The following VWDE variants were observed in gnomAD, a reference collection of about 807,000 sequenced individuals.
VWDE encodes the protein von Willebrand factor D and EGF domain-containing protein.
A neutral mutation model predicts 178.4 loss-of-function variants in VWDE; 207 were observed. The observed-to-expected ratio is 1.16, with a 90% confidence interval of 1.04 to 1.30. The LOEUF is 1.30. VWDE is among the 50% of genes most tolerant of loss of function. The pLI is 0.00. For synonymous variants in VWDE, 738 were observed against 651.4 expected, an observed-to-expected ratio of 1.13 and a Z score of -2.02; for missense variants, 2,287 against 1,901.3, an observed-to-expected ratio of 1.20 and a Z score of -3.77.
At chr7:12,363,919 T>C (rs1782716074) in intron 13 of VWDE, among the ~76,000 whole-genome samples, 1 of 152,064 alleles carries the variant, frequency 6.6e-6, no homozygotes, top group Admixed American at 6.6e-5. Flanking sequence ...ATAGTTAATC[T>C]AACTCACTTT....
In VWDE at chr7:12,370,483, T is replaced by G. The variant is rs1288682154; in HGVS notation, c.1823A>C (p.Asp608Ala). 6.5e-7 allele frequency: 1 copy of G among 1,540,700 alleles called. No individual in the cohort carries two copies. The change falls in exon 12 of 29, where the codon GAC (aspartate) becomes GCC (alanine). Residue 608 changes from aspartate (D) to alanine (A), a missense_variant. Physicochemically the swap from Asp to Ala is moderately radical, Grantham distance 126. Coordinates refer to ENST00000275358, the MANE Select transcript of VWDE (RefSeq NM_001135924.3). ...WRILPGKSMSDTLPVSMTSPG... is the reference protein window; with the variant it reads ...WRILPGKSMSATLPVSMTSPG... The stretch of plus-strand genomic sequence containing the variant: ...TGATGTCATAGAAACTGGCAGTGTG[T>G]CAGACATGCTTTTTCCTGGTAAAAT...
At chr7:12,379,606 T>G in intron 5 of VWDE, 40 bp from the exon 6 acceptor site, 2 of 1,442,648 alleles carry the variant, frequency 1.4e-6, no homozygotes, top group Non-Finnish European at 1.9e-6. Flanking sequence ...AGAAATTCAA[T>G]TTTGGAGAAA....
At chr7:12,362,647 T>C (rs1212729164) in intron 13 of VWDE, among the ~76,000 whole-genome samples, 1 of 152,126 alleles carries the variant, frequency 6.6e-6, no homozygotes, top group Non-Finnish European at 1.5e-5. Flanking sequence ...TCAGAATTTG[T>C]CATAGAGCAT....
Position 12,336,247 on chromosome 7 carries a change from A to C in VWDE, c.4559-11T>G. 6.5e-7 allele frequency: 1 copy of C among 1,549,208 alleles called. No homozygotes were observed. Among genetic ancestry groups the C allele is most frequent in the Non-Finnish European group, 8.7e-7 (1 of 1,145,760 alleles). On this transcript the variant is annotated splice_polypyrimidine_tract_variant and intron_variant, in intron 26 of 28. Coordinates refer to ENST00000275358, the MANE Select transcript of VWDE (RefSeq NM_001135924.3). ...TCTGCAAGCAGATAGCTGCCAATCGAAATATAAACAAGTTAAAATTTTAAA... is the reference window on the plus strand; with the variant it reads ...TCTGCAAGCAGATAGCTGCCAATCGCAATATAAACAAGTTAAAATTTTAAA...
At position 12,369,741 on chromosome 7, in the gene VWDE, C is replaced by T. The variant is rs970163318; in HGVS notation, c.2565G>A (p.Val855=). The T allele has an allele frequency of 1.9e-6, 3 of 1,551,560 alleles. No homozygotes were observed. The highest frequency in any genetic ancestry group is 2.6e-6 in the Non-Finnish European group (3 of 1,146,894). ...TTTCACATTCATTTTCTAAAAGGGC[C>T]ACACCTGCTTCTGCCCAACTAAGAT... The part of the protein sequence containing the change: ...KDDLSWAEAG[V]ALLENECEKR... Residue 855 remains valine (V), a synonymous_variant, in exon 12 of 29, where the codon GTG becomes GTA. Coordinates refer to ENST00000275358, the MANE Select transcript of VWDE (RefSeq NM_001135924.3).
At chr7:12,332,060 G>A (rs924155806) in intron 28 of VWDE, among the ~76,000 whole-genome samples, 3 of 152,042 alleles carry the variant, frequency 2.0e-5, no homozygotes, top group Non-Finnish European at 4.4e-5. Context: ...TAGGGAAGAG[G>A]GGAGCAAGGG....
Position 12,377,663 on chromosome 7 carries a change from C to G in VWDE, c.1024+113G>C, listed in dbSNP as rs563487700. The G allele has an allele frequency of 6.6e-5, 40 of 606,522 alleles. No homozygotes were observed. The Admixed American group carries it at 9.1e-4, about 14-fold the overall frequency. The allele number at this position is 606,522 out of a possible 1,614,324, so 37.6% of individuals were successfully genotyped here. A position where few individuals can be genotyped will look rare whatever the true frequency, so the allele number is the denominator to read the frequency against. On this transcript the variant is annotated intron_variant, in intron 7 of 28. Coordinates refer to ENST00000275358, the MANE Select transcript of VWDE (RefSeq NM_001135924.3). ...ATATGATTGGGCTAAAATTTGATGT[C>G]AACATGCAACATGATTTATTATATG...
rs1023564576 is a variant in VWDE, at chr7:12,379,424, G to T, written c.879+53C>A. 35 of 1,358,738 alleles carry T rather than the reference G, an allele frequency of 2.6e-5. 1 individual carries two copies. The South Asian group carries it at 4.3e-4, about 17-fold the overall frequency. The allele number at this position is 1,358,738 out of a possible 1,614,324, so 84.2% of individuals were successfully genotyped here. ...CCAGCATGGACAGATCACAGTTTGG[G>T]AAACATAGTTCCAGAGGAATAATCT... On this transcript the variant is annotated intron_variant, in intron 6 of 28. Coordinates refer to ENST00000275358, the MANE Select transcript of VWDE (RefSeq NM_001135924.3).
intron 27 of VWDE, among the ~76,000 whole-genome samples, chr7:12,335,525 T>A (rs769585709): frequency 6.6e-6 from 1 of 152,044 alleles, no homozygotes; most frequent in African/African-American, 2.4e-5. Context: ...GCGCGATCTC[T>A]GCTCACTGCA....
chr7:12,383,707 G>C lies in VWDE; in HGVS notation c.476-106C>G, dbSNP rs1180830827. ...TGAAGGATGATTTAATACAGACTAAGACTTTCTTAATTCTTCTCTTATTTC... is the reference window on the plus strand; with the variant it reads ...TGAAGGATGATTTAATACAGACTAACACTTTCTTAATTCTTCTCTTATTTC... On this transcript the variant is annotated intron_variant, in intron 3 of 28. Transcript: ENST00000275358. 6.3e-6 allele frequency: 6 copies of C among 944,912 alleles called. No individual in the cohort carries two copies. The African/African-American group carries it at 8.4e-5, about 13-fold the overall frequency. 58.5% of individuals were successfully genotyped at this position (944,912 alleles called of 1,614,324 possible). A position where few individuals can be genotyped will look rare whatever the true frequency, so the allele number is the denominator to read the frequency against.
Position 12,356,288 on chromosome 7 carries a change from C to A in VWDE, c.3568G>T (p.Val1190Leu), listed in dbSNP as rs1462196719. 1.3e-6 allele frequency: 2 copies of A among 1,551,438 alleles called. No individual in the cohort carries two copies. The highest frequency in any genetic ancestry group is 1.7e-6 in the Non-Finnish European group (2 of 1,146,984). ...CCTGGAGAAAAGTTCCTATCAGATACACATGATCCACCATTCAAGCAATCA... is the reference window on the plus strand; with the variant it reads ...CCTGGAGAAAAGTTCCTATCAGATAAACATGATCCACCATTCAAGCAATCA... ...SCDCLNGGSC[V>L]SDRNFSPGSG... The change falls in exon 18 of 29, where the codon GTA becomes TTA. Residue 1190 changes from valine to leucine, a missense_variant. Val to Leu is a conservative substitution (Grantham distance 32). Transcript: ENST00000275358.
At chr7:12,349,428 A>G (rs1382791161) in intron 19 of VWDE, among the ~76,000 whole-genome samples, 1 of 151,340 alleles carries the variant, frequency 6.6e-6, no homozygotes, top group African/African-American at 2.4e-5. Context: ...ATGTTCTAAA[A>G]GAGACTATGA....
chr7:12,343,023 G>A, intron 22 of VWDE, 60 bp downstream of exon 22: 16 of 1,249,962 alleles, frequency 1.3e-5, no homozygotes, highest in Non-Finnish European at 1.8e-5. Flanking sequence ...TAGCATTAAG[G>A]CCATCAACTA....
chr7:12,347,434 T>C (rs553960303), intron 19 of VWDE, among the ~76,000 whole-genome samples: 1 of 152,112 alleles, frequency 6.6e-6, no homozygotes, highest in African/African-American at 2.4e-5. Context: ...AGAGATATCA[T>C]AAAAATTACA....
intron 26 of VWDE, 118 bp from the exon 27 acceptor site, chr7:12,336,354 G>T (rs1182476283): frequency 2.5e-6 from 2 of 795,180 alleles, no homozygotes; most frequent in Admixed American, 3.3e-5. Context: ...AGTGATTAAA[G>T]AAATTTTTCC....
At chr7:12,365,884 G>A (rs1782831677) in intron 13 of VWDE, among the ~76,000 whole-genome samples, 1 of 152,058 alleles carries the variant, frequency 6.6e-6, no homozygotes, top group South Asian at 2.1e-4. Flanking sequence ...TTTTGATTTG[G>A]TTTGGCTCTG....
chr7:12,331,121 T>C lies in VWDE; in HGVS notation c.*62A>G. 1 of 1,440,082 alleles carries C rather than the reference T, an allele frequency of 6.9e-7. No homozygotes were observed. The allele number at this position is 1,440,082 out of a possible 1,614,324, so 89.2% of individuals were successfully genotyped here. A position where few individuals can be genotyped will look rare whatever the true frequency, so the allele number is the denominator to read the frequency against. ...ATAAACTCCAAGTTATCTCCAACTT[T>C]TTCTGAACAAAATATTTCCATTCTT... On this transcript the variant is annotated 3_prime_UTR_variant, in exon 29 of 29. Coordinates refer to ENST00000275358, the MANE Select transcript of VWDE (RefSeq NM_001135924.3).
At position 12,403,841 on chromosome 7, in the gene VWDE, C is replaced by T; in HGVS notation, c.-125G>A. 1 of 1,030,716 alleles carries T rather than the reference C, an allele frequency of 9.7e-7. No individual in the cohort carries two copies. The highest frequency in any genetic ancestry group is 1.4e-6 in the Non-Finnish European group (1 of 703,784). 63.8% of individuals were successfully genotyped at this position (1,030,716 alleles called of 1,614,324 possible). A position where few individuals can be genotyped will look rare whatever the true frequency, so the allele number is the denominator to read the frequency against. ...TTTCTCAGTCTGTTGCTGCTTGGAA[C>T]AGGGAAGCTCCGCGTCCTCGTTCTG... On this transcript the variant is annotated 5_prime_UTR_variant, in exon 1 of 29. Transcript: ENST00000275358.
intron 23 of VWDE, among the ~76,000 whole-genome samples, chr7:12,341,737 T>C (rs1002808950): frequency 1.3e-5 from 2 of 152,166 alleles, no homozygotes; most frequent in Non-Finnish European, 2.9e-5. Context: ...GATGTTTGTA[T>C]TGCGATGAAA....
Sources: allele counts gnomAD v4.1 joint callset (sites outside exome capture counted in the v4.1 genomes callset), GRCh38; gene constraint gnomAD v4.1.1; transcripts MANE v1.5; gene names NCBI Gene and HGNC (gene_info 2026-07-23, HGNC 2026-07-21).